Variants in HTR4 observed in about 807,000 individuals in gnomAD.
HTR4 encodes 5-hydroxytryptamine receptor 4.
Under a neutral mutation model 36.8 loss-of-function variants are expected in HTR4, and 16 were observed. The ratio of observed to expected loss-of-function variants is 0.43; its 90% CI spans 0.29 to 0.66. The LOEUF is 0.66. HTR4 is among the 30% of genes least tolerant of loss of function. HTR4 has a pLI of 0.13. For synonymous variants in HTR4, 189 were observed against 185.1 expected, an observed-to-expected ratio of 1.02 and a Z score of -0.17; for missense variants, 438 against 490.9, an observed-to-expected ratio of 0.89 and a Z score of 1.02.
chr5:148,492,419 ATTAAT>A, intron 6 of HTR4, among the ~76,000 whole-genome samples: 1 of 152,332 alleles, frequency 6.6e-6, no homozygotes. Flanking sequence ...AAACAGTGTG[ATTAAT>A]TTATTTCTGG....
At chr5:148,603,959 T>C (rs761251919) in intron 2 of HTR4, among the ~76,000 whole-genome samples, 16 of 152,128 alleles carry the variant, frequency 1.1e-4, no homozygotes, top group Non-Finnish European at 2.2e-4. Context: ...CCTAGGTCAA[T>C]CTGATATCTA....
chr5:148,618,403 T>C (rs541629522), intron 2 of HTR4, among the ~76,000 whole-genome samples: 1 of 152,338 alleles, frequency 6.6e-6, no homozygotes, highest in East Asian at 1.9e-4. Context: ...AGGCTCAGCT[T>C]ATGGACCGTA....
chr5:148,491,520 G>C (rs1231942785), intron 6 of HTR4, among the ~76,000 whole-genome samples: 1 of 152,064 alleles, frequency 6.6e-6, no homozygotes, highest in Non-Finnish European at 1.5e-5. Flanking sequence ...GAAATCTGGG[G>C]CCAGGAAATT....
chr5:148,472,429 G>A (rs1198674489), downstream of HTR4, among the ~76,000 whole-genome samples: 4 of 152,132 alleles, frequency 2.6e-5, no homozygotes, highest in Admixed American at 6.5e-5. Context: ...ATGGACCCAC[G>A]TGTCTTTGCC....
intron 2 of HTR4, among the ~76,000 whole-genome samples, chr5:148,560,255 G>A (rs1760147098): frequency 6.8e-6 from 1 of 146,898 alleles, no homozygotes; most frequent in African/African-American, 2.5e-5. Context: ...AGTTTGCATA[G>A]CCTTATTCCA....
At chr5:148,603,067 G>C (rs1274806885) in intron 2 of HTR4, among the ~76,000 whole-genome samples, 1 of 151,860 alleles carries the variant, frequency 6.6e-6, no homozygotes, top group African/African-American at 2.4e-5. Context: ...AAAGAAAAAA[G>C]GGCAGAATGA....
At chr5:148,554,501 G>T (rs1332292956) in intron 2 of HTR4, among the ~76,000 whole-genome samples, 1 of 152,180 alleles carries the variant, frequency 6.6e-6, no homozygotes, top group Non-Finnish European at 1.5e-5. Flanking sequence ...GAGGATTCTA[G>T]ACTCAGAAAA....
At chr5:148,458,090 T>A (rs188287220) in intron 5 of HTR4, among the ~76,000 whole-genome samples, 3,940 of 50,956 alleles carry the variant, frequency 0.077, 135 homozygotes, top group South Asian at 0.16. Flanking sequence ...TTAAAATATA[T>A]TATATTTTAA....
intron 2 of HTR4, among the ~76,000 whole-genome samples, chr5:148,572,455 T>C (rs1760713615): frequency 6.6e-6 from 1 of 152,108 alleles, no homozygotes; most frequent in African/African-American, 2.4e-5. Context: ...AATATTTTAA[T>C]TTAATCACCA....
intron 2 of HTR4, among the ~76,000 whole-genome samples, chr5:148,583,154 A>G (rs1255552181): frequency 6.6e-6 from 1 of 151,702 alleles, no homozygotes; most frequent in East Asian, 1.9e-4. Context: ...AGGGTTGTTG[A>G]ATTTTGTCAA....
At position 148,509,484 on chromosome 5, in the gene HTR4, T is replaced by C. The variant is rs761172216; in HGVS notation, c.1048A>G (p.Thr350Ala). 13 of 1,612,412 alleles carry C rather than the reference T, an allele frequency of 8.1e-6. No homozygotes were observed. In the South Asian group the frequency reaches 1.4e-4, roughly 18 times the overall value. The change falls in exon 6 of 7, where the codon ACC becomes GCC. Residue 350 changes from threonine (T) to alanine (A), a missense_variant. Thr to Ala is a moderately conservative substitution (Grantham distance 58). Coordinates refer to ENST00000377888, the MANE Select transcript of HTR4 (RefSeq NM_000870.7). Reference sequence around the variant, plus strand: ...AGTACATGTGTGGATCCATTAATGGTTGTGGTTGAACAAGGGACAGTCTGG... The same window carrying C: ...AGTACATGTGTGGATCCATTAATGGCTGTGGTTGAACAAGGGACAGTCTGG... ...LGQTVPCSTT[T>A]INGSTHVLRD...
intron 2 of HTR4, among the ~76,000 whole-genome samples, chr5:148,586,262 T>G (rs1761344975): frequency 6.6e-6 from 1 of 152,146 alleles, no homozygotes; most frequent in African/African-American, 2.4e-5. Flanking sequence ...CTGTTAGCTC[T>G]AGAATTCTAG....
At chr5:148,625,676 G>C (rs1047180050) in intron 2 of HTR4, among the ~76,000 whole-genome samples, 3 of 152,102 alleles carry the variant, frequency 2.0e-5, no homozygotes, top group African/African-American at 7.2e-5. Flanking sequence ...TGCCTCCCGG[G>C]TTCAAGCGAT....
chr5:148,594,828 T>A (rs1455690904), intron 2 of HTR4, among the ~76,000 whole-genome samples: 2 of 152,200 alleles, frequency 1.3e-5, no homozygotes, highest in African/African-American at 4.8e-5. Context: ...ATGACTCTTA[T>A]TTTTTACAAT....
intron 2 of HTR4, among the ~76,000 whole-genome samples, chr5:148,594,755 A>G (rs974322494): frequency 1.3e-5 from 2 of 152,222 alleles, no homozygotes; most frequent in Non-Finnish European, 2.9e-5. Flanking sequence ...TTCAAGGTCA[A>G]TTAGCCATGG....
At chr5:148,506,027 A>C (rs1418698305) in intron 6 of HTR4, among the ~76,000 whole-genome samples, 1 of 152,202 alleles carries the variant, frequency 6.6e-6, no homozygotes, top group East Asian at 1.9e-4. Context: ...AAACTACTTT[A>C]AAATTCATAT....
chr5:148,554,513 T>C (rs776569197), intron 2 of HTR4, among the ~76,000 whole-genome samples: 2 of 152,166 alleles, frequency 1.3e-5, no homozygotes, highest in African/African-American at 2.4e-5. Context: ...CTCAGAAAAT[T>C]CATAGGGAAA....
intron 1 of HTR4, chr5:148,645,101 C>G (rs938887894): frequency 4.6e-5 from 7 of 152,094 alleles, no homozygotes; most frequent in Non-Finnish European, 8.8e-5. Flanking sequence ...AAATGTCACA[C>G]AGTTAATGTT....
At chr5:148,570,021 T>G (rs1760611128) in intron 2 of HTR4, among the ~76,000 whole-genome samples, 1 of 152,112 alleles carries the variant, frequency 6.6e-6, no homozygotes, top group Admixed American at 6.5e-5. Context: ...AACACCTAAG[T>G]CTTCTCACTT....
Sources: allele counts gnomAD v4.1 joint callset (sites outside exome capture counted in the v4.1 genomes callset), GRCh38; gene constraint gnomAD v4.1.1; transcripts MANE v1.5; gene names NCBI Gene and HGNC (gene_info 2026-07-23, HGNC 2026-07-21).